BCLAF1: variants seen among roughly 807,000 people sequenced by gnomAD.
BCLAF1 encodes the protein BCL2 associated transcription factor 1, also known as bcl-2-associated transcription factor 1.
BCLAF1 carries 10 observed loss-of-function variants against 99.5 expected under a neutral mutation model. The ratio of observed to expected loss-of-function variants is 0.10; its 90% CI spans 0.06 to 0.17. The LOEUF is 0.17. BCLAF1 is among the 10% of genes least tolerant of loss of function. The pLI, the probability that BCLAF1 is intolerant of heterozygous loss-of-function variation, is 1.00. For synonymous variants in BCLAF1, 255 were observed against 370.9 expected (o/e 0.69, Z 3.59); for missense variants, 636 against 1,105.8 (o/e 0.58, Z 6.02).
chr6:136,284,128 G>GTATATATATATATATATATATATA (rs1242722909), intron 1 of BCLAF1, among the ~76,000 whole-genome samples: 12 of 81,350 alleles, frequency 1.5e-4, no homozygotes, highest in African/African-American at 5.4e-4. Context: ...GTGTGTGTGT[G>GTATATATATATATATATATATATA]TGTATATATA....
chr6:136,271,162 T>C (rs1722145789), intron 8 of BCLAF1, among the ~76,000 whole-genome samples: 1 of 151,746 alleles, frequency 6.6e-6, no homozygotes, highest in South Asian at 2.1e-4. Flanking sequence ...GCATTCTCAT[T>C]TTTCTAATTA....
At chr6:136,274,583 G>T (rs1782996044) in intron 6 of BCLAF1, among the ~76,000 whole-genome samples, 1 of 151,922 alleles carries the variant, frequency 6.6e-6, no homozygotes, top group South Asian at 2.1e-4. Flanking sequence ...ACTGCATAAA[G>T]AACTGCTAGA....
chr6:136,274,351 T>G (rs1782958978), intron 6 of BCLAF1, among the ~76,000 whole-genome samples: 1 of 147,644 alleles, frequency 6.8e-6, no homozygotes, highest in African/African-American at 2.5e-5. Context: ...CAAAACCTGA[T>G]CTCAAAATTC....
chr6:136,284,187 T>G (rs1784806414), intron 1 of BCLAF1, among the ~76,000 whole-genome samples: 1 of 146,838 alleles, frequency 6.8e-6, no homozygotes, highest in Non-Finnish European at 1.5e-5. Flanking sequence ...GCCAGATCTC[T>G]TTACTCCGTC....
intron 2 of BCLAF1, among the ~76,000 whole-genome samples, chr6:136,282,306 A>G (rs1784476233): frequency 1.3e-5 from 2 of 152,248 alleles, no homozygotes; most frequent in Non-Finnish European, 2.9e-5. Flanking sequence ...AAATGGGTTA[A>G]GTAGCAGTCT....
rs141293508 is a variant in BCLAF1 at position 136,273,788 on chromosome 6, C to A, written c.1853-601G>T. Among the ~76,000 whole-genome samples the A allele has an allele frequency of 2.7e-3, 412 of 152,112 alleles. 4 individuals carry two copies. In the East Asian group the frequency reaches 0.029, roughly 11 times the overall value. On this transcript the variant is annotated intron_variant, in intron 6 of 12. Coordinates refer to ENST00000531224, the MANE Select transcript of BCLAF1 (RefSeq NM_014739.3). ...AGCAAATTTGATATTGCTGTTTTGT[C>A]TCTCTTTAAACAATTTTCAAACTAG...
chr6:136,271,962 TA>T (rs760365854), intron 8 of BCLAF1, 32 bp downstream of exon 8: 3 of 1,497,958 alleles, frequency 2.0e-6, no homozygotes, highest in Non-Finnish European at 2.8e-6. Flanking sequence ...AAGCTGAACT[TA>T]ACACGAAAAA....
rs1036497231 is a variant in BCLAF1, at chr6:136,259,437, T to C, written c.*1673A>G. On this transcript the variant is annotated 3_prime_UTR_variant, in exon 13 of 13. Transcript: ENST00000531224. ...AATTCTGTGTTGGGAATCACATCCA[T>C]GTTGCTTTCACACGTAAATAAGTAT... 4.6e-5 allele frequency: 7 copies of C among 152,092 alleles called. No homozygotes were observed. Among genetic ancestry groups the C allele is most frequent in the East Asian group, 3.8e-4 (2 of 5,204 alleles). The allele number at this position is 152,092 out of a possible 1,614,324, so 9.4% of individuals were successfully genotyped here. A position where few individuals can be genotyped will look rare whatever the true frequency, so the allele number is the denominator to read the frequency against.
intron 11 of BCLAF1, among the ~76,000 whole-genome samples, chr6:136,265,288 C>T (rs1781564160): frequency 1.3e-5 from 2 of 152,000 alleles, no homozygotes; most frequent in African/African-American, 4.8e-5. Flanking sequence ...TCTGAATTAC[C>T]AACTATCCAC....
In BCLAF1 at chr6:136,260,944, T is replaced by C. The variant is rs1780883697; in HGVS notation, c.*166A>G. 3.1e-6 allele frequency: 2 copies of C among 648,184 alleles called. No individual in the cohort carries two copies. The highest frequency in any genetic ancestry group is 5.1e-6 in the Non-Finnish European group (2 of 393,372). The allele number at this position is 648,184 out of a possible 1,614,324, so 40.2% of individuals were successfully genotyped here. On this transcript the variant is annotated 3_prime_UTR_variant, in exon 13 of 13. Coordinates refer to ENST00000531224, the MANE Select transcript of BCLAF1 (RefSeq NM_014739.3). ...TTTCAGTACAATTTTCAACATACAG[T>C]CTACTATTTCTCAAGATATTTGAAG...
intron 2 of BCLAF1, among the ~76,000 whole-genome samples, chr6:136,280,377 A>G (rs900847195): frequency 6.6e-6 from 1 of 152,110 alleles, no homozygotes; most frequent in Non-Finnish European, 1.5e-5. Flanking sequence ...CTCCATATAC[A>G]CAATCCTGTC....
At chr6:136,280,868 CACTA>C (rs1262736449) in intron 2 of BCLAF1, among the ~76,000 whole-genome samples, 4 of 152,162 alleles carry the variant, frequency 2.6e-5, no homozygotes, top group African/African-American at 4.8e-5. Context: ...TCCAAATTTA[CACTA>C]ACTTACTCAA....
At chr6:136,265,600 T>C (rs776247604) in intron 11 of BCLAF1, among the ~76,000 whole-genome samples, 17 of 152,154 alleles carry the variant, frequency 1.1e-4, no homozygotes, top group South Asian at 4.1e-4. Flanking sequence ...CCCACACTTA[T>C]ACCAACCATC....
intron 1 of BCLAF1, among the ~76,000 whole-genome samples, chr6:136,286,502 T>C (rs1785151159): frequency 6.6e-6 from 1 of 152,260 alleles, no homozygotes; most frequent in Non-Finnish European, 1.5e-5. Flanking sequence ...CTTAGTTTAA[T>C]GTTTGGCCCG....
At position 136,259,286 on chromosome 6, in the gene BCLAF1, A is replaced by G. The variant is rs894507602; in HGVS notation, c.*1824T>C. Reference sequence around the variant, plus strand: ...TAGTTTTATTCCCACTCCCTATTACATAATTTCTCAGATCCCCTTTTACCT... The same window carrying G: ...TAGTTTTATTCCCACTCCCTATTACGTAATTTCTCAGATCCCCTTTTACCT... On this transcript the variant is annotated 3_prime_UTR_variant, in exon 13 of 13. Coordinates refer to ENST00000531224, the MANE Select transcript of BCLAF1 (RefSeq NM_014739.3). 2 of 152,068 alleles carry G rather than the reference A, an allele frequency of 1.3e-5. No individual in the cohort carries two copies. The highest frequency in any genetic ancestry group is 2.4e-5 in the African/African-American group (1 of 41,452). The allele number at this position is 152,068 out of a possible 1,614,324, so 9.4% of individuals were successfully genotyped here. A position where few individuals can be genotyped will look rare whatever the true frequency, so the allele number is the denominator to read the frequency against.
chr6:136,284,760 T>C (rs1277850624), intron 1 of BCLAF1, among the ~76,000 whole-genome samples: 1 of 151,964 alleles, frequency 6.6e-6, no homozygotes, highest in Admixed American at 6.6e-5. Context: ...AGCTCCCTAC[T>C]CTCTTGAAGC....
At chr6:136,270,469 T>G (rs1379317270) in intron 8 of BCLAF1, 1 of 151,856 alleles carries the variant, frequency 6.6e-6, no homozygotes, top group African/African-American at 2.4e-5. Flanking sequence ...TAGTATTTAC[T>G]CTGGGAAGTC....
chr6:136,266,953 C>G, intron 11 of BCLAF1, 76 bp downstream of exon 11: 2 of 1,506,498 alleles, frequency 1.3e-6, no homozygotes, highest in Admixed American at 3.6e-5. Context: ...TAGTGGTTAT[C>G]TGTACTCAAA....
Position 136,277,964 on chromosome 6 carries a change from G to A in BCLAF1, c.917C>T (p.Ala306Val). ...PSRRSPAKTI[A>V]PQNAPRDESR... ...CTCATCTCTTGGAGCATTCTGTGGT[G>A]CGATTGTCTTTGCAGGACTTCTTCG... is the stretch of plus-strand genomic sequence containing the variant. The change falls in exon 4 of 13, where the codon GCA (alanine) becomes GTA (valine). Residue 306 changes from alanine (A) to valine (V), a missense_variant. Transcript: ENST00000531224. 1.2e-6 allele frequency: 2 copies of A among 1,607,256 alleles called. No individual in the cohort carries two copies. Among genetic ancestry groups the A allele is most frequent in the South Asian group, 1.1e-5 (1 of 90,636 alleles).
Sources: allele counts gnomAD v4.1 joint callset (sites outside exome capture counted in the v4.1 genomes callset), GRCh38; gene constraint gnomAD v4.1.1; transcripts MANE v1.5; gene names NCBI Gene and HGNC (gene_info 2026-07-23, HGNC 2026-07-21).